The following CYRIA variants were observed in gnomAD, a reference collection of about 807,000 sequenced individuals.
CYRIA encodes CYFIP-related Rac1 interactor A.
A neutral mutation model predicts 43.9 loss-of-function variants in CYRIA; 15 were observed. The ratio of observed to expected loss-of-function variants is 0.34; its 90% CI spans 0.23 to 0.53. CYRIA has a LOEUF of 0.53. CYRIA is among the 20% of genes least tolerant of loss of function. The probability of loss-of-function intolerance (pLI) is 0.94; values close to 1 mark genes in which losing one functional copy is unlikely to be tolerated. For missense variants in CYRIA, 236 were observed against 394.2 expected (o/e 0.60, Z 3.40); for synonymous variants, 117 against 136.0 (o/e 0.86, Z 0.97).
intron 9 of CYRIA, among the ~76,000 whole-genome samples, chr2:16,560,272 T>C (rs1024911817): frequency 3.9e-5 from 6 of 152,114 alleles, no homozygotes; most frequent in Admixed American, 6.6e-5. Flanking sequence ...TTGGTACAAG[T>C]GAAATATTTG....
intron 3 of CYRIA, among the ~76,000 whole-genome samples, chr2:16,569,526 G>T (rs79545456): frequency 6.6e-6 from 1 of 152,130 alleles, no homozygotes; most frequent in Non-Finnish European, 1.5e-5. Flanking sequence ...ACCTCTTCCA[G>T]CTATAATTAG....
intron 2 of CYRIA, among the ~76,000 whole-genome samples, chr2:16,604,099 C>T (rs746433496): frequency 6.6e-6 from 1 of 152,194 alleles, no homozygotes; most frequent in Admixed American, 6.5e-5. Context: ...TCTGCACCTG[C>T]TACCTCGCTT....
At chr2:16,643,098 T>G (rs538406225) in intron 1 of CYRIA, among the ~76,000 whole-genome samples, 1 of 151,462 alleles carries the variant, frequency 6.6e-6, no homozygotes, top group Non-Finnish European at 1.5e-5. Context: ...ATTACCATAA[T>G]AAAATATTAT....
In CYRIA at chr2:16,552,534, T is replaced by A. The variant is rs1666352626; in HGVS notation, c.*402A>T. On this transcript the variant is annotated 3_prime_UTR_variant, in exon 12 of 12. Transcript: ENST00000381323. The stretch of plus-strand genomic sequence containing the variant: ...CCTCTGTCAAGATAACAGTTGTGTT[T>A]CTTGTAGCTGAGCCGACACAGGAAA... 1 of 157,400 alleles carries A rather than the reference T, an allele frequency of 6.4e-6. No individual in the cohort carries two copies. The highest frequency in any genetic ancestry group is 1.4e-5 in the Non-Finnish European group (1 of 71,678). 9.8% of individuals were successfully genotyped at this position (157,400 alleles called of 1,614,324 possible).
chr2:16,600,969 T>C (rs1013502304), intron 2 of CYRIA, among the ~76,000 whole-genome samples: 1 of 152,224 alleles, frequency 6.6e-6, no homozygotes, highest in Non-Finnish European at 1.5e-5. Context: ...ACAGTAGAAG[T>C]CCTGGGGCTC....
intron 1 of CYRIA, among the ~76,000 whole-genome samples, chr2:16,651,152 T>C (rs1669964571): frequency 6.6e-6 from 1 of 152,168 alleles, no homozygotes; most frequent in Admixed American, 6.5e-5. Context: ...ACCTTGCATG[T>C]GGCTTTTCAT....
At chr2:16,581,474 T>TG (rs1399735779) in intron 3 of CYRIA, among the ~76,000 whole-genome samples, 1 of 152,114 alleles carries the variant, frequency 6.6e-6, no homozygotes, top group Non-Finnish European at 1.5e-5. Flanking sequence ...GTGGAACACT[T>TG]GGAGTTGCTT....
chr2:16,566,782 G>T (rs567508688), intron 3 of CYRIA, among the ~76,000 whole-genome samples: 158 of 152,314 alleles, frequency 1.0e-3, no homozygotes, highest in African/African-American at 3.7e-3. Context: ...GGTGGTGGTG[G>T]AGAGGTAGTA....
chr2:16,627,006 A>ACCTC lies in CYRIA; in HGVS notation c.-166-2988_-166-2987insGAGG, dbSNP rs561415629. Among the ~76,000 whole-genome samples, 455 of 151,576 alleles carry ACCTC rather than the reference A, an allele frequency of 3.0e-3. 3 individuals carry two copies. The highest frequency in any genetic ancestry group is 0.01 in the African/African-American group (428 of 40,842). On this transcript the variant is annotated intron_variant, in intron 1 of 11. Coordinates refer to ENST00000381323, the MANE Select transcript of CYRIA (RefSeq NM_030797.4). ...ATAAATGGAGAAGCCGAAATCAGAG[A>ACCTC]CAGGAGGTGCCTTATCCAGAGTCTC...
rs576040690 is a variant in CYRIA, at chr2:16,643,785, G to A, written c.-166-19766C>T. On this transcript the variant is annotated intron_variant, in intron 1 of 11. Coordinates refer to ENST00000381323, the MANE Select transcript of CYRIA (RefSeq NM_030797.4). ...TTAGAGCCTTTGTACAATGAATGAAGAGATGAATGAATGCCTTCTGAGCAT... is the reference window on the plus strand; with the variant it reads ...TTAGAGCCTTTGTACAATGAATGAAAAGATGAATGAATGCCTTCTGAGCAT... Among the ~76,000 whole-genome samples, 10 of 152,276 alleles carry A rather than the reference G, an allele frequency of 6.6e-5. No individual in the cohort carries two copies. The South Asian group carries it at 2.1e-3, about 32-fold the overall frequency.
chr2:16,607,940 C>T (rs995800409), intron 2 of CYRIA, among the ~76,000 whole-genome samples: 17 of 152,106 alleles, frequency 1.1e-4, no homozygotes, highest in Admixed American at 3.3e-4. Flanking sequence ...TTGCCTTGAA[C>T]GCCTAAAGAC....
intron 1 of CYRIA, among the ~76,000 whole-genome samples, chr2:16,651,124 G>A (rs925984146): frequency 2.0e-5 from 3 of 152,064 alleles, no homozygotes; most frequent in African/African-American, 7.2e-5. Flanking sequence ...TATTTCTGGG[G>A]GGTCTGGGAG....
At chr2:16,632,423 A>G (rs187273896) in intron 1 of CYRIA, among the ~76,000 whole-genome samples, 5 of 152,134 alleles carry the variant, frequency 3.3e-5, no homozygotes, top group Admixed American at 3.3e-4. Context: ...CACCTTACCA[A>G]TTCCTGTCTG....
At chr2:16,613,750 A>G (rs1344853160) in intron 2 of CYRIA, among the ~76,000 whole-genome samples, 1 of 152,246 alleles carries the variant, frequency 6.6e-6, no homozygotes, top group Non-Finnish European at 1.5e-5. Flanking sequence ...CAAGTTCAAC[A>G]TCCTGAATAT....
At chr2:16,647,504 G>A (rs1422109050) in intron 1 of CYRIA, among the ~76,000 whole-genome samples, 1 of 152,088 alleles carries the variant, frequency 6.6e-6, no homozygotes, top group East Asian at 1.9e-4. Context: ...ATTAGACCCA[G>A]CCCAGAGCTT....
intron 2 of CYRIA, among the ~76,000 whole-genome samples, chr2:16,593,416 T>C (rs567657056): frequency 1.3e-5 from 2 of 152,278 alleles, no homozygotes; most frequent in South Asian, 2.1e-4. Context: ...GGGGCAGATA[T>C]ATATTATTAG....
At chr2:16,640,140 T>C (rs1669629484) in intron 1 of CYRIA, among the ~76,000 whole-genome samples, 1 of 151,948 alleles carries the variant, frequency 6.6e-6, no homozygotes, top group African/African-American at 2.4e-5. Flanking sequence ...CACACACACA[T>C]CCTTGCAAAA....
At chr2:16,658,822 T>C (rs1670177788) in intron 1 of CYRIA, among the ~76,000 whole-genome samples, 2 of 152,090 alleles carry the variant, frequency 1.3e-5, no homozygotes, top group Non-Finnish European at 2.9e-5. Flanking sequence ...AGAGCAGGGG[T>C]GTTCATCAGC....
chr2:16,604,611 G>A lies in CYRIA; in HGVS notation c.-10-16482C>T, dbSNP rs75781452. On this transcript the variant is annotated intron_variant, in intron 2 of 11. Coordinates refer to ENST00000381323, the MANE Select transcript of CYRIA (RefSeq NM_030797.4). Reference sequence around the variant, plus strand: ...ATCAGCTTACAATATATCAATAGGTGGTGTTAAAAAATACTTCTCATCTAA... The same window carrying A: ...ATCAGCTTACAATATATCAATAGGTAGTGTTAAAAAATACTTCTCATCTAA... Among the ~76,000 whole-genome samples, 42 of 152,278 alleles carry A rather than the reference G, an allele frequency of 2.8e-4. No individual in the cohort carries two copies. In the East Asian group the frequency reaches 7.7e-3, roughly 28 times the overall value.
Sources: allele counts gnomAD v4.1 joint callset (sites outside exome capture counted in the v4.1 genomes callset), GRCh38; gene constraint gnomAD v4.1.1; transcripts MANE v1.5; gene names NCBI Gene and HGNC (gene_info 2026-07-23, HGNC 2026-07-21).